ENTREP1: variants seen among roughly 807,000 people sequenced by gnomAD.
ENTREP1 encodes the protein Friedreich ataxia region gene X123.
At chr9:69,361,603 G>GT in the ENTREP1 span, among the ~76,000 whole-genome samples, 3 of 152,084 alleles carry the variant, frequency 2.0e-5, no homozygotes, top group Admixed American at 6.5e-5. Flanking sequence ...TCTTGTCTAT[G>GT]TTTTTTTGTG....
the ENTREP1 span, chr9:69,375,851 A>G: frequency 2.1e-5 from 34 of 1,613,586 alleles, no homozygotes; most frequent in Non-Finnish European, 2.8e-5. Context: ...AGTGCTGTTC[A>G]CCTTCTACTT....
At chr9:69,336,333 A>G in the ENTREP1 span, 3 of 971,174 alleles carry the variant, frequency 3.1e-6, no homozygotes, top group Middle Eastern at 2.1e-4. Flanking sequence ...GTCTGTTCAT[A>G]TAAACCACTG....
chr9:69,348,177 C>T, the ENTREP1 span, among the ~76,000 whole-genome samples: 14 of 152,144 alleles, frequency 9.2e-5, no homozygotes, highest in East Asian at 3.9e-4. Context: ...TGCAGTGGCG[C>T]GGACACAGCT....
the ENTREP1 span, chr9:69,386,127 A>C: frequency 4.2e-6 from 2 of 472,818 alleles, no homozygotes; most frequent in Non-Finnish European, 6.8e-6. Context: ...TATATCTACC[A>C]TGTCTTTTAA....
the ENTREP1 span, chr9:69,371,445 T>C: frequency 8.4e-7 from 1 of 1,190,382 alleles, no homozygotes; most frequent in Non-Finnish European, 1.3e-6. Flanking sequence ...GGTAAAACTC[T>C]GTCTGAATTT....
chr9:69,391,717 GA>G, the ENTREP1 span: 1 of 1,613,750 alleles, frequency 6.2e-7, no homozygotes, highest in Non-Finnish European at 8.5e-7. Flanking sequence ...CACCAGCGGG[GA>G]GGCCCCGAGC....
the ENTREP1 span, among the ~76,000 whole-genome samples, chr9:69,347,275 T>A: frequency 6.6e-6 from 1 of 152,186 alleles, no homozygotes; most frequent in African/African-American, 2.4e-5. Context: ...CAGCAGTAGG[T>A]ATCTCTGAGG....
chr9:69,325,144 G>A, the ENTREP1 span: 1 of 1,038,444 alleles, frequency 9.6e-7, no homozygotes, highest in Non-Finnish European at 1.2e-6. Flanking sequence ...CAGGGCAGCG[G>A]CAGCGGCGGC....
the ENTREP1 span, among the ~76,000 whole-genome samples, chr9:69,366,168 C>G: frequency 6.6e-6 from 1 of 152,190 alleles, no homozygotes; most frequent in Non-Finnish European, 1.5e-5. Context: ...GTTCCTTTCT[C>G]TGCACATCCT....
the ENTREP1 span, among the ~76,000 whole-genome samples, chr9:69,353,871 CT>C: frequency 6.6e-6 from 1 of 152,088 alleles, no homozygotes; most frequent in East Asian, 1.9e-4. Context: ...TGTTGTTCTT[CT>C]TTTTCTTCTT....
the ENTREP1 span, chr9:69,387,805 AC>A: frequency 1.3e-5 from 13 of 979,518 alleles, no homozygotes; most frequent in Non-Finnish European, 1.8e-5. Flanking sequence ...TTGGTCAGCC[AC>A]ATTTTTCCTG....
the ENTREP1 span, among the ~76,000 whole-genome samples, chr9:69,366,556 G>A: frequency 6.6e-6 from 1 of 151,780 alleles, no homozygotes; most frequent in Non-Finnish European, 1.5e-5. Flanking sequence ...AGTCTCATTT[G>A]TCTATTTTGT....
the ENTREP1 span, among the ~76,000 whole-genome samples, chr9:69,373,465 G>A: frequency 1.3e-5 from 2 of 151,966 alleles, no homozygotes; most frequent in African/African-American, 4.8e-5. Flanking sequence ...GAGTGGGGTC[G>A]TTCATGATTT....
At chr9:69,367,983 T>C in the ENTREP1 span, among the ~76,000 whole-genome samples, 1 of 150,588 alleles carries the variant, frequency 6.6e-6, no homozygotes, top group African/African-American at 2.4e-5. Context: ...CCTTCTTGAT[T>C]TCTTTCTCAA....
chr9:69,388,077 T>C, the ENTREP1 span: 2 of 1,611,438 alleles, frequency 1.2e-6, no homozygotes, highest in South Asian at 2.2e-5. Context: ...ATGTTGAGTT[T>C]TGTGGTCTGT....
the ENTREP1 span, chr9:69,383,239 C>T: frequency 1.6e-5 from 11 of 691,172 alleles, no homozygotes; most frequent in Admixed American, 1.2e-4. Flanking sequence ...CACATTATTT[C>T]GTAACCATCA....
At chr9:69,383,925 C>G in the ENTREP1 span, 1 of 1,605,992 alleles carries the variant, frequency 6.2e-7, no homozygotes, top group Non-Finnish European at 8.5e-7. Context: ...ACAAAATAAC[C>G]CTGTTTTTTG....
the ENTREP1 span, among the ~76,000 whole-genome samples, chr9:69,331,662 GCACAGGGGATGAAA>G: frequency 6.6e-6 from 1 of 152,172 alleles, no homozygotes; most frequent in East Asian, 1.9e-4. Flanking sequence ...CTTTTAGGAA[GCACAGGGGATGAAA>G]AGTGTGTTTA....
the ENTREP1 span, among the ~76,000 whole-genome samples, chr9:69,367,178 C>T: frequency 1.7e-4 from 26 of 150,324 alleles, no homozygotes; most frequent in Admixed American, 9.3e-4. Context: ...GTGGTCCTCC[C>T]ACCTGGGCAT....
Sources: gnomAD v4.1 joint callset for allele counts (sites outside exome capture counted in the v4.1 genomes callset) on GRCh38, gnomAD v4.1.1 for gene constraint, MANE v1.5 for transcripts, NCBI Gene and HGNC (gene_info 2026-07-23, HGNC 2026-07-21) for gene names.